The following ZNF610 variants were observed in gnomAD, a reference collection of about 807,000 sequenced individuals.
ZNF610 encodes zinc finger protein 610, also known as zink finger protein.
Under a neutral mutation model 14.1 loss-of-function variants are expected in ZNF610, and 14 were observed. The observed-to-expected ratio is 0.99, with a 90% CI of 0.65 to 1.55. The LOEUF is 1.55. Ranked by LOEUF, ZNF610 falls within the 40% of genes most tolerant of loss-of-function variation. The pLI, the probability that ZNF610 is intolerant of heterozygous loss-of-function variation, is 0.00. For synonymous variants in ZNF610, 185 were observed against 187.6 expected (o/e 0.99, Z 0.11); for missense variants, 530 against 558.0 (o/e 0.95, Z 0.51).
the ZNF610 span, chr19:52,330,317 A>G: frequency 6.6e-6 from 1 of 152,304 alleles, no homozygotes; most frequent in African/African-American, 2.4e-5. Context: ...AGAACAAAAT[A>G]GAAAATACTC....
intron 5 of ZNF610, among the ~76,000 whole-genome samples, chr19:52,364,356 T>G (rs1985921237): frequency 6.6e-6 from 1 of 152,188 alleles, no homozygotes; most frequent in African/African-American, 2.4e-5. Context: ...GATCATTTAT[T>G]GACCTTTAAT....
At chr19:52,358,736 G>A (rs940517688) in intron 5 of ZNF610, among the ~76,000 whole-genome samples, 16 of 152,096 alleles carry the variant, frequency 1.1e-4, no homozygotes, top group South Asian at 2.1e-4. Context: ...TGAATCCAAC[G>A]TTATGAAGCT....
At chr19:52,342,452 G>T (rs34438466) in intron 1 of ZNF610, among the ~76,000 whole-genome samples, 26,353 of 151,428 alleles carry the variant, frequency 0.17, 2,320 homozygotes, top group South Asian at 0.26. Context: ...AATTTGCACA[G>T]CCGATCACTC....
intron 1 of ZNF610, among the ~76,000 whole-genome samples, chr19:52,346,702 C>G (rs1984977301): frequency 6.6e-6 from 1 of 151,522 alleles, no homozygotes; most frequent in Non-Finnish European, 1.5e-5. Context: ...AGATATTTTT[C>G]TTCCTCTCTC....
At chr19:52,349,365 C>G in intron 3 of ZNF610, 130 bp downstream of exon 3, 1 of 1,355,104 alleles carries the variant, frequency 7.4e-7, no homozygotes, top group Non-Finnish European at 1.0e-6. Flanking sequence ...TAGATTCTAT[C>G]TCTCGTGACC....
chr19:52,344,704 A>G (rs1452950941), intron 1 of ZNF610, among the ~76,000 whole-genome samples: 3 of 152,220 alleles, frequency 2.0e-5, no homozygotes, highest in Non-Finnish European at 4.4e-5. Context: ...GTCTGAAAAT[A>G]TTACACAGAA....
At chr19:52,362,508 A>T (rs768586303) in intron 5 of ZNF610, among the ~76,000 whole-genome samples, 15 of 152,160 alleles carry the variant, frequency 9.9e-5, no homozygotes, top group Non-Finnish European at 1.6e-4. Context: ...CATGCCTCAA[A>T]CTCCCAAGTG....
chr19:52,345,372 G>A (rs945926661), intron 1 of ZNF610: 1 of 152,200 alleles, frequency 6.6e-6, no homozygotes, highest in African/African-American at 2.4e-5. Flanking sequence ...ACGTCATAGT[G>A]CAGTGCATTC....
intron 1 of ZNF610, among the ~76,000 whole-genome samples, chr19:52,342,024 G>T (rs1206898876): frequency 3.9e-5 from 6 of 152,036 alleles, no homozygotes; most frequent in African/African-American, 7.2e-5. Context: ...GCCTAGGCTG[G>T]TCTCAATTTC....
At chr19:52,341,707 A>G (rs1273966731) in intron 1 of ZNF610, among the ~76,000 whole-genome samples, 3 of 152,118 alleles carry the variant, frequency 2.0e-5, no homozygotes, top group East Asian at 3.8e-4. Flanking sequence ...GCTCACTGTA[A>G]CCTCGAACTC....
intron 1 of ZNF610, among the ~76,000 whole-genome samples, chr19:52,345,712 A>T (rs898685498): frequency 3.3e-5 from 5 of 150,462 alleles, no homozygotes; most frequent in African/African-American, 7.3e-5. Flanking sequence ...TTTTATTTTT[A>T]TTTTTTTTTG....
intron 1 of ZNF610, among the ~76,000 whole-genome samples, chr19:52,339,426 C>CCT (rs989531224): frequency 1.4e-5 from 2 of 146,822 alleles, no homozygotes; most frequent in African/African-American, 5.5e-5. Flanking sequence ...GGCAGAGTTC[C>CCT]CTGCGGCCTT....
intron 1 of ZNF610, among the ~76,000 whole-genome samples, chr19:52,342,524 T>G (rs1984733368): frequency 6.6e-6 from 1 of 151,126 alleles, no homozygotes; most frequent in Non-Finnish European, 1.5e-5. Context: ...GTTTAACTTT[T>G]TTTTTTTTTT....
At chr19:52,365,611 G>C (rs1985982086) in intron 5 of ZNF610, 87 bp from the exon 6 acceptor site, 1 of 1,195,022 alleles carries the variant, frequency 8.4e-7, no homozygotes, top group African/African-American at 1.5e-5. Context: ...CAGTGTCTGA[G>C]TTGGGTGAGG....
At position 52,366,229 on chromosome 19, in the gene ZNF610, G is replaced by A; in HGVS notation, c.851G>A (p.Gly284Glu). Residue 284 changes from glycine (G) to glutamate (E), a missense_variant, in exon 6 of 6, where the codon GGA (glycine) becomes GAA (glutamate). Gly to Glu is a moderately conservative substitution (Grantham distance 98). Transcript: ENST00000403906. Reference protein sequence around the residue: ...NLARHQRIHTGEKPHKCNECG... With the variant: ...NLARHQRIHTEEKPHKCNECG... ...GCACGACATCAAAGAATTCATACTG[G>A]AGAGAAGCCTCACAAATGTAACGAA... 1 of 1,614,088 alleles carries A rather than the reference G, an allele frequency of 6.2e-7. No individual in the cohort carries two copies. Among genetic ancestry groups the A allele is most frequent in the Non-Finnish European group, 8.5e-7 (1 of 1,179,988 alleles).
At chr19:52,341,480 T>A (rs1984689010) in intron 1 of ZNF610, among the ~76,000 whole-genome samples, 1 of 151,714 alleles carries the variant, frequency 6.6e-6, no homozygotes, top group Admixed American at 6.6e-5. Flanking sequence ...TGGCTAATTT[T>A]TGTATTTTTA....
chr19:52,354,892 C>A lies in ZNF610; in HGVS notation c.319+513C>A, dbSNP rs115582235. On this transcript the variant is annotated intron_variant, in intron 5 of 5. Transcript: ENST00000403906. ...CCACACCCAGCCCATACTAACTATT[C>A]AAGAGTGTGTGGGAAACTCTCCAAA... 7.1e-3 allele frequency among the ~76,000 whole-genome samples: 1,082 copies of A among 152,138 alleles called. 13 individuals are homozygous for A. Among genetic ancestry groups the A allele is most frequent in the African/African-American group, 0.025 (1,028 of 41,514 alleles).
chr19:52,339,732 A>C (rs1984582324), intron 1 of ZNF610, among the ~76,000 whole-genome samples: 1 of 152,006 alleles, frequency 6.6e-6, no homozygotes, highest in Non-Finnish European at 1.5e-5. Flanking sequence ...TTATCCCCAC[A>C]CACCACAACC....
chr19:52,330,980 G>A, the ZNF610 span, among the ~76,000 whole-genome samples: 1 of 152,190 alleles, frequency 6.6e-6, no homozygotes, highest in Non-Finnish European at 1.5e-5. Flanking sequence ...CAACTCCTAT[G>A]CAGAAAAATT....
Sources: allele counts gnomAD v4.1 joint callset (sites outside exome capture counted in the v4.1 genomes callset), GRCh38; gene constraint gnomAD v4.1.1; transcripts MANE v1.5; gene names NCBI Gene and HGNC (gene_info 2026-07-23, HGNC 2026-07-21).